WDPCP: variants seen among roughly 807,000 people sequenced by gnomAD.
WDPCP encodes the protein WD repeat containing planar cell polarity effector, also known as WD repeat-containing and planar cell polarity effector protein fritz homolog.
A neutral mutation model predicts 93.1 loss-of-function variants in WDPCP; 71 were observed. The observed-to-expected ratio is 0.76, with a 90% confidence interval of 0.63 to 0.93. The LOEUF (loss-of-function observed/expected upper bound fraction) is 0.93, where lower values mean the gene tolerates loss of function less well. WDPCP is among the 40% of genes least tolerant of loss of function. The pLI is 0.00. For synonymous variants in WDPCP, 315 were observed against 315.0 expected (o/e 1.00, Z 0.00); for missense variants, 844 against 887.4 (o/e 0.95, Z 0.62).
At chr2:63,435,889 C>T (rs1697107068) in intron 8 of WDPCP, among the ~76,000 whole-genome samples, 1 of 152,046 alleles carries the variant, frequency 6.6e-6, no homozygotes, top group South Asian at 2.1e-4. Flanking sequence ...AATCCAAAGG[C>T]ATATTCGAAT....
intron 12 of WDPCP, among the ~76,000 whole-genome samples, chr2:63,338,440 T>C (rs910440198): frequency 2.0e-5 from 3 of 151,044 alleles, no homozygotes; most frequent in Non-Finnish European, 4.4e-5. Flanking sequence ...TAATTCCAGC[T>C]ACTCCAGAAG....
chr2:63,604,001 G>A (rs1480497036), intron 3 of WDPCP, among the ~76,000 whole-genome samples: 2 of 152,212 alleles, frequency 1.3e-5, no homozygotes, highest in Non-Finnish European at 2.9e-5. Flanking sequence ...TGTACTACAT[G>A]TGATTGCAAG....
At chr2:63,402,272 T>TACATGGACACAGGGAG (rs1694208248) in intron 10 of WDPCP, among the ~76,000 whole-genome samples, 2 of 152,044 alleles carry the variant, frequency 1.3e-5, no homozygotes, top group Non-Finnish European at 2.9e-5. Flanking sequence ...ACAATGAGAA[T>TACATGGACACAGGGAG]ACATGGACAC....
chr2:63,665,025 T>C (rs1197464174), intron 2 of WDPCP, among the ~76,000 whole-genome samples: 10 of 152,176 alleles, frequency 6.6e-5, no homozygotes. Context: ...GAAAGTGAGA[T>C]GGACTGAGAA....
upstream of WDPCP, among the ~76,000 whole-genome samples, chr2:63,592,608 G>A (rs1006646139): frequency 2.6e-5 from 4 of 152,166 alleles, no homozygotes; most frequent in African/African-American, 7.2e-5. Context: ...GTCCCCCCGC[G>A]CAATGCGCTG....
chr2:63,548,107 AAT>A (rs1705291001), intron 1 of WDPCP, among the ~76,000 whole-genome samples: 1 of 152,100 alleles, frequency 6.6e-6, no homozygotes, highest in Admixed American at 6.6e-5. Context: ...TCAAAACAAA[AAT>A]AATAAATACT....
chr2:63,162,430 T>C (rs1019790213), intron 15 of WDPCP, among the ~76,000 whole-genome samples: 30 of 152,308 alleles, frequency 2.0e-4, no homozygotes, highest in African/African-American at 7.2e-4. Flanking sequence ...TCATGAAACA[T>C]TGTTTTTGCA....
intron 2 of WDPCP, among the ~76,000 whole-genome samples, chr2:63,714,635 C>A (rs537762356): frequency 1.3e-5 from 2 of 152,064 alleles, no homozygotes; most frequent in Non-Finnish European, 2.9e-5. Flanking sequence ...CAATACCATC[C>A]TGGGTAACAC....
intron 14 of WDPCP, among the ~76,000 whole-genome samples, chr2:63,192,906 G>T (rs1675154459): frequency 1.3e-5 from 2 of 152,276 alleles, no homozygotes; most frequent in Non-Finnish European, 1.5e-5. Context: ...ATGGAAGAAT[G>T]AAAATCTTTT....
At chr2:63,603,952 C>A (rs1709479235) in intron 3 of WDPCP, among the ~76,000 whole-genome samples, 1 of 152,198 alleles carries the variant, frequency 6.6e-6, no homozygotes. Context: ...CCACCATGCC[C>A]AGCCCAAGAC....
chr2:63,653,258 G>T (rs558003668), intron 2 of WDPCP, among the ~76,000 whole-genome samples: 2 of 152,176 alleles, frequency 1.3e-5, no homozygotes, highest in Non-Finnish European at 2.9e-5. Flanking sequence ...AACTTTATGA[G>T]GTGGAACAAA....
chr2:63,527,383 C>T (rs112257078), intron 1 of WDPCP, among the ~76,000 whole-genome samples: 3 of 121,570 alleles, frequency 2.5e-5, no homozygotes, highest in African/African-American at 9.2e-5. Flanking sequence ...CCCCAACCAA[C>T]GACAGGCCCT....
intron 13 of WDPCP, among the ~76,000 whole-genome samples, chr2:63,274,101 G>A (rs1333298304): frequency 6.6e-6 from 1 of 151,966 alleles, no homozygotes; most frequent in Non-Finnish European, 1.5e-5. Context: ...TATGTGTTAG[G>A]CCACAAAACA....
rs1344573576 is a variant in WDPCP, at chr2:63,313,892, T to G, written c.1749-581A>C. Among the ~76,000 whole-genome samples, 23 of 7,692 alleles carry G rather than the reference T, an allele frequency of 3.0e-3. No individual in the cohort carries two copies. In the East Asian group the frequency reaches 0.2, roughly 67 times the overall value. The allele number at this position is 7,692 out of a possible 152,430, so 5.0% of individuals were successfully genotyped here. A position where few individuals can be genotyped will look rare whatever the true frequency, so the allele number is the denominator to read the frequency against. ...TATATATATATATATATATATTTTT[T>G]TTTTTTTGGAGATGGAGTCTCGCTC... On this transcript the variant is annotated intron_variant, in intron 12 of 17. Coordinates refer to ENST00000272321, the MANE Select transcript of WDPCP (RefSeq NM_015910.7).
intron 9 of WDPCP, among the ~76,000 whole-genome samples, chr2:63,419,021 G>A (rs770704652): frequency 2.6e-5 from 4 of 152,120 alleles, no homozygotes; most frequent in Admixed American, 6.5e-5. Flanking sequence ...AGAAAGAAAT[G>A]GTGAGAACTG....
chr2:63,430,415 A>G (rs1161451084), intron 9 of WDPCP, among the ~76,000 whole-genome samples: 1 of 152,260 alleles, frequency 6.6e-6, no homozygotes, highest in Non-Finnish European at 1.5e-5. Flanking sequence ...GGAAATTCAA[A>G]TGAAAACAAC....
chr2:63,714,497 C>A (rs1669306900), intron 2 of WDPCP, among the ~76,000 whole-genome samples: 2 of 152,098 alleles, frequency 1.3e-5, no homozygotes, highest in Admixed American at 6.5e-5. Flanking sequence ...TTTGACAGTT[C>A]CTAAAAAGGT....
At chr2:63,419,723 T>A (rs914466239) in intron 9 of WDPCP, among the ~76,000 whole-genome samples, 1 of 152,150 alleles carries the variant, frequency 6.6e-6, no homozygotes, top group Non-Finnish European at 1.5e-5. Flanking sequence ...AAGATCCTCA[T>A]GTTTCATGTT....
intron 10 of WDPCP, among the ~76,000 whole-genome samples, chr2:63,396,221 A>G (rs757685495): frequency 1.3e-5 from 2 of 152,226 alleles, no homozygotes; most frequent in African/African-American, 4.8e-5. Flanking sequence ...ATTTTCAGCA[A>G]TAAATAACCT....
Sources: gnomAD v4.1 joint callset for allele counts (sites outside exome capture counted in the v4.1 genomes callset) on GRCh38, gnomAD v4.1.1 for gene constraint, MANE v1.5 for transcripts, NCBI Gene and HGNC (gene_info 2026-07-23, HGNC 2026-07-21) for gene names.